The following NELL1 variants were observed in gnomAD, a reference collection of about 807,000 sequenced individuals.
NELL1 encodes neural EGFL like 1.
A neutral mutation model predicts 107.4 loss-of-function variants in NELL1; 76 were observed. That is an observed-to-expected ratio of 0.71 (90% confidence interval 0.59 to 0.86). The LOEUF (loss-of-function observed/expected upper bound fraction) is 0.86, where lower values mean the gene tolerates loss of function less well. Among genes scored for constraint, NELL1 ranks in the 40% least tolerant of loss-of-function variants. The probability of loss-of-function intolerance (pLI) is 0.00; values close to 1 mark genes in which losing one functional copy is unlikely to be tolerated. For synonymous variants in NELL1, 353 were observed against 341.2 expected (o/e 1.03, Z -0.38); for missense variants, 1,024 against 1,005.5 (o/e 1.02, Z -0.25).
At position 20,755,502 on chromosome 11, in the gene NELL1, G is replaced by C. The variant is rs78953277; in HGVS notation, c.185-28178G>C. On this transcript the variant is annotated intron_variant, in intron 2 of 19. Transcript: ENST00000357134. ...AGCTGTACAACAACAAGCCAAACTT[G>C]AGAGCATTTCATGTAAAAAAGACCT... Among the ~76,000 whole-genome samples the C allele has an allele frequency of 1.5e-3, 230 of 149,998 alleles. 3 individuals are homozygous for C. The East Asian group carries it at 0.037, about 24-fold the overall frequency.
At chr11:21,349,426 T>G (rs995626782) in intron 14 of NELL1, among the ~76,000 whole-genome samples, 1 of 152,202 alleles carries the variant, frequency 6.6e-6, no homozygotes, top group Non-Finnish European at 1.5e-5. Context: ...GCTCAGGGAA[T>G]GTACTGCATT....
chr11:21,566,454 A>AT (rs146676073), intron 17 of NELL1, among the ~76,000 whole-genome samples: 2,049 of 151,696 alleles, frequency 0.014, 38 homozygotes, highest in East Asian at 0.072. Context: ...GAAAAAATGT[A>AT]TTTTTTTTAC....
At chr11:21,550,264 C>A (rs188967065) in intron 16 of NELL1, among the ~76,000 whole-genome samples, 2,691 of 151,996 alleles carry the variant, frequency 0.018, 87 homozygotes, top group African/African-American at 0.062. Flanking sequence ...GAGTAGGTTG[C>A]AAAAATTTTC....
At chr11:21,525,220 G>A (rs1422520968) in intron 15 of NELL1, among the ~76,000 whole-genome samples, 1 of 152,214 alleles carries the variant, frequency 6.6e-6, no homozygotes, top group Admixed American at 6.5e-5. Context: ...CAGAGTCACT[G>A]AAGAAAGTTA....
intron 15 of NELL1, among the ~76,000 whole-genome samples, chr11:21,391,521 A>G (rs973952226): frequency 6.6e-6 from 1 of 151,718 alleles, no homozygotes; most frequent in African/African-American, 2.4e-5. Context: ...CTTCTGCCTT[A>G]CTTTTCATAT....
chr11:21,339,540 T>G (rs1468253981), intron 14 of NELL1, among the ~76,000 whole-genome samples: 2 of 144,174 alleles, frequency 1.4e-5, no homozygotes, highest in East Asian at 3.8e-4. Context: ...GGTACATTTC[T>G]TTTCATCGTG....
chr11:21,318,215 A>T (rs996419354), intron 14 of NELL1, among the ~76,000 whole-genome samples: 1 of 152,208 alleles, frequency 6.6e-6, no homozygotes, highest in Non-Finnish European at 1.5e-5. Context: ...AGAATTTCTT[A>T]TAAAATTAAG....
chr11:20,704,029 G>A (rs1362111699), intron 2 of NELL1, among the ~76,000 whole-genome samples: 1 of 152,156 alleles, frequency 6.6e-6, no homozygotes, highest in Non-Finnish European at 1.5e-5. Flanking sequence ...TCCGCTTGGT[G>A]TAGAGCTGAG....
At chr11:21,052,019 G>A (rs998488411) in intron 12 of NELL1, among the ~76,000 whole-genome samples, 3 of 152,048 alleles carry the variant, frequency 2.0e-5, no homozygotes, top group East Asian at 1.9e-4. Flanking sequence ...AGTGGGAAGC[G>A]TACGATTTTT....
At chr11:20,949,445 G>A (rs544928683) in intron 11 of NELL1, among the ~76,000 whole-genome samples, 1 of 152,302 alleles carries the variant, frequency 6.6e-6, no homozygotes, top group South Asian at 2.1e-4. Context: ...AATTTTCAGA[G>A]TGATGCATTT....
At chr11:21,010,458 G>T (rs533622656) in intron 12 of NELL1, among the ~76,000 whole-genome samples, 2 of 152,184 alleles carry the variant, frequency 1.3e-5, no homozygotes, top group South Asian at 4.1e-4. Context: ...TGAAAGGAAT[G>T]AGCTTGCAGT....
At chr11:21,047,230 A>G (rs1469345335) in intron 12 of NELL1, among the ~76,000 whole-genome samples, 4 of 152,130 alleles carry the variant, frequency 2.6e-5, no homozygotes, top group Non-Finnish European at 2.9e-5. Context: ...AAAATTACCA[A>G]TTATATCCCT....
intron 5 of NELL1, among the ~76,000 whole-genome samples, chr11:20,892,700 G>A (rs946564893): frequency 2.0e-5 from 3 of 152,238 alleles, no homozygotes; most frequent in Non-Finnish European, 2.9e-5. Flanking sequence ...GGAGGCCGAG[G>A]TGGGTGGATC....
At chr11:21,214,600 A>G (rs1857573526) in intron 13 of NELL1, among the ~76,000 whole-genome samples, 1 of 152,186 alleles carries the variant, frequency 6.6e-6, no homozygotes, top group Non-Finnish European at 1.5e-5. Flanking sequence ...GAGAATGTAA[A>G]ATTACAGCCA....
intron 13 of NELL1, among the ~76,000 whole-genome samples, chr11:21,186,461 T>C (rs1856937842): frequency 6.6e-6 from 1 of 151,876 alleles, no homozygotes; most frequent in Admixed American, 6.6e-5. Flanking sequence ...GGTAAACTTA[T>C]AGGTCTTGAC....
chr11:20,726,931 T>A (rs934616505), intron 2 of NELL1, among the ~76,000 whole-genome samples: 85 of 152,252 alleles, frequency 5.6e-4, no homozygotes, highest in Middle Eastern at 6.8e-3. Context: ...TGAACTCATC[T>A]TTTTTTATGG....
At chr11:20,906,631 A>T (rs891381678) in intron 5 of NELL1, among the ~76,000 whole-genome samples, 1 of 152,130 alleles carries the variant, frequency 6.6e-6, no homozygotes, top group Non-Finnish European at 1.5e-5. Context: ...ACAGTGTATT[A>T]AAAGGATTAT....
At chr11:21,172,124 A>AT (rs1856620296) in intron 13 of NELL1, among the ~76,000 whole-genome samples, 1 of 151,794 alleles carries the variant, frequency 6.6e-6, no homozygotes, top group Non-Finnish European at 1.5e-5. Context: ...CGCAAAGGGT[A>AT]TTTTTTGGAT....
intron 9 of NELL1, among the ~76,000 whole-genome samples, chr11:20,936,797 G>C (rs4923177): frequency 1.3e-5 from 2 of 152,006 alleles, no homozygotes; most frequent in South Asian, 4.1e-4. Context: ...GAATCAGAGG[G>C]TTTTATAACT....
Sources: allele counts gnomAD v4.1 joint callset (sites outside exome capture counted in the v4.1 genomes callset), GRCh38; gene constraint gnomAD v4.1.1; transcripts MANE v1.5; gene names NCBI Gene and HGNC (gene_info 2026-07-23, HGNC 2026-07-21).